The following SMARCA5 variants were observed in gnomAD, a reference collection of about 807,000 sequenced individuals.
The protein encoded by SMARCA5 is SNF2 related chromatin remodeling ATPase 5.
SMARCA5 carries 18 observed loss-of-function variants against 140.4 expected under a neutral mutation model. The ratio of observed to expected loss-of-function variants is 0.13; its 90% CI spans 0.09 to 0.19. The LOEUF is 0.19. Ranked by LOEUF, SMARCA5 falls within the 10% of genes least tolerant of loss-of-function variation. The pLI, the probability that SMARCA5 is intolerant of heterozygous loss-of-function variation, is 1.00. For synonymous variants in SMARCA5, 449 were observed against 419.6 expected, an observed-to-expected ratio of 1.07 and a Z score of -0.86; for missense variants, 606 against 1,276.8, an observed-to-expected ratio of 0.47 and a Z score of 8.01.
At chr4:143,528,555 A>G (rs764964985) in intron 7 of SMARCA5, 28 bp from the exon 8 acceptor site, 6 of 1,599,064 alleles carry the variant, frequency 3.8e-6, no homozygotes, top group East Asian at 4.5e-5. Flanking sequence ...AGAATATTCT[A>G]ATGGTGTATT....
At chr4:143,536,720 T>C in intron 11 of SMARCA5, 42 bp downstream of exon 11, 1 of 1,394,716 alleles carries the variant, frequency 7.2e-7, no homozygotes, top group East Asian at 2.4e-5. Flanking sequence ...TGTTTTAAAA[T>C]GCTCATGTTA....
chr4:143,521,121 G>C (rs973999055), intron 2 of SMARCA5, among the ~76,000 whole-genome samples: 1 of 152,138 alleles, frequency 6.6e-6, no homozygotes, highest in Non-Finnish European at 1.5e-5. Context: ...ATGCAGAGTA[G>C]TTCCATCATC....
intron 1 of SMARCA5, among the ~76,000 whole-genome samples, chr4:143,515,494 G>T (rs888345680): frequency 6.6e-6 from 1 of 152,124 alleles, no homozygotes; most frequent in African/African-American, 2.4e-5. Flanking sequence ...GTGTAAATGT[G>T]CAGTTCTCTA....
At chr4:143,521,687 A>G in intron 3 of SMARCA5, 92 bp downstream of exon 3, 3 of 1,113,716 alleles carry the variant, frequency 2.7e-6, no homozygotes, top group Non-Finnish European at 3.8e-6. Flanking sequence ...ATAACTTAAA[A>G]TTATTTTAGT....
intron 2 of SMARCA5, among the ~76,000 whole-genome samples, chr4:143,517,752 C>G (rs770800873): frequency 6.6e-6 from 1 of 152,166 alleles, no homozygotes; most frequent in Non-Finnish European, 1.5e-5. Context: ...TTTTCCTAAT[C>G]ACCTCTTATT....
In SMARCA5 at chr4:143,538,688, C is replaced by G. The variant is rs754738040; in HGVS notation, c.1594C>G (p.Gln532Glu). Residue 532 changes from glutamine (Q) to glutamate (E), a missense_variant, in exon 12 of 24, where the codon CAG becomes GAG. Coordinates refer to ENST00000283131, the MANE Select transcript of SMARCA5 (RefSeq NM_003601.4). ...TTATGAGTACTGCAGGTTGGATGGT[C>G]AGACACCCCATGATGAGAGACAAGT... ...RNYEYCRLDG[Q>E]TPHDERQDSI... 1.9e-6 allele frequency: 3 copies of G among 1,613,934 alleles called. No homozygotes were observed. In the Admixed American group the frequency reaches 5.0e-5, roughly 27 times the overall value.
At chr4:143,523,663 C>G (rs921795909) in intron 3 of SMARCA5, among the ~76,000 whole-genome samples, 1 of 152,090 alleles carries the variant, frequency 6.6e-6, no homozygotes, top group African/African-American at 2.4e-5. Flanking sequence ...GCCGCTTATC[C>G]TTTTAGCAAG....
In SMARCA5 at chr4:143,545,327, T is replaced by A. The variant is rs1300838654; in HGVS notation, c.2284-143T>A. The A allele has an allele frequency of 2.9e-5, 19 of 652,406 alleles. No individual in the cohort carries two copies. In the East Asian group the frequency reaches 5.0e-4, roughly 17 times the overall value. The allele number at this position is 652,406 out of a possible 1,614,324, so 40.4% of individuals were successfully genotyped here. A position where few individuals can be genotyped will look rare whatever the true frequency, so the allele number is the denominator to read the frequency against. On this transcript the variant is annotated intron_variant, in intron 17 of 23. Coordinates refer to ENST00000283131, the MANE Select transcript of SMARCA5 (RefSeq NM_003601.4). ...TAATTTTGAATCTGTGCATTTAAAA[T>A]TAAGATATAAATTCAGTTTTATTGA...
At chr4:143,525,601 C>G (rs770903402) in intron 5 of SMARCA5, 50 bp downstream of exon 5, 2 of 1,230,078 alleles carry the variant, frequency 1.6e-6, no homozygotes, top group Non-Finnish European at 2.4e-6. Flanking sequence ...TTGAAAATAT[C>G]TTATACGTTG....
rs1737122961 is a variant in SMARCA5 at position 143,528,732 on chromosome 4, C to T, written c.1089+18C>T. The T allele has an allele frequency of 1.2e-6, 2 of 1,600,784 alleles. No homozygotes were observed. Among genetic ancestry groups the T allele is most frequent in the African/African-American group, 1.4e-5 (1 of 74,064 alleles). On this transcript the variant is annotated intron_variant, in intron 8 of 23. Transcript: ENST00000283131. Reference sequence around the variant, plus strand: ...CAGCAGATGTAAGTATTTCCTGGTGCTTTCTGGTTAATAATAATATTTTGC... The same window carrying T: ...CAGCAGATGTAAGTATTTCCTGGTGTTTTCTGGTTAATAATAATATTTTGC...
At position 143,521,413 on chromosome 4, in the gene SMARCA5, A is replaced by AT; in HGVS notation, c.253-16_253-15insT. On this transcript the variant is annotated splice_polypyrimidine_tract_variant and intron_variant, in intron 2 of 23. Coordinates refer to ENST00000283131, the MANE Select transcript of SMARCA5 (RefSeq NM_003601.4). ...TGATACTCTGATAAAATGTATCTTAAATTTTTTTTTTTCAGCAAACTGACC... is the reference window on the plus strand; with the variant it reads ...TGATACTCTGATAAAATGTATCTTAATATTTTTTTTTTTCAGCAAACTGACC... 6.3e-7 allele frequency: 1 copy of AT among 1,575,218 alleles called. No homozygotes were observed. The highest frequency in any genetic ancestry group is 1.4e-5 in the African/African-American group (1 of 72,982).
chr4:143,545,810 G>A lies in SMARCA5; in HGVS notation c.2398-115G>A. The A allele has an allele frequency of 1.1e-5, 11 of 985,980 alleles. 1 individual carries two copies. In the South Asian group the frequency reaches 1.4e-4, roughly 13 times the overall value. The allele number at this position is 985,980 out of a possible 1,614,324, so 61.1% of individuals were successfully genotyped here. On this transcript the variant is annotated intron_variant, in intron 18 of 23. Transcript: ENST00000283131. Reference sequence around the variant, plus strand: ...TTGTTTTTAACATAATACATGCAATGTATCAGTATATTTTCTTTCCTGGTT... The same window carrying A: ...TTGTTTTTAACATAATACATGCAATATATCAGTATATTTTCTTTCCTGGTT...
chr4:143,550,819 CATT>C (rs1737627260), intron 23 of SMARCA5, among the ~76,000 whole-genome samples: 2 of 152,008 alleles, frequency 1.3e-5, no homozygotes, highest in African/African-American at 2.4e-5. Flanking sequence ...TTTCTTTATC[CATT>C]TATCTGTTGA....
chr4:143,521,829 G>C (rs1736965371), intron 3 of SMARCA5, among the ~76,000 whole-genome samples: 1 of 149,226 alleles, frequency 6.7e-6, no homozygotes, highest in African/African-American at 2.5e-5. Context: ...CGCCAAGGTG[G>C]GAGGATTGCT....
rs1340375417 is a variant in SMARCA5 at position 143,534,842 on chromosome 4, T to A, written c.1159-13T>A. On this transcript the variant is annotated splice_polypyrimidine_tract_variant and intron_variant, in intron 9 of 23. Transcript: ENST00000283131. ...AATATTGGTATTACCTGTTTATTTT[T>A]GTCCTTTTTAAGGTTTTGCGTCCAT... 6.3e-7 allele frequency: 1 copy of A among 1,592,704 alleles called. No individual in the cohort carries two copies. Among genetic ancestry groups the A allele is most frequent in the Non-Finnish European group, 8.6e-7 (1 of 1,165,106 alleles).
chr4:143,553,166 A>G lies in SMARCA5; in HGVS notation c.3141A>G (p.Lys1047=). 1.9e-6 allele frequency: 3 copies of G among 1,612,204 alleles called. No individual in the cohort carries two copies. Among genetic ancestry groups the G allele is most frequent in the Non-Finnish European group, 2.5e-6 (3 of 1,178,472 alleles). ...MDGAPDGRGR[K]KKLKL is the part of the protein sequence containing the mutation. Reference sequence around the variant, plus strand: ...GCGCACCTGATGGTCGAGGAAGAAAAAAGAAGCTGAAACTATGAATATGTT... The same window carrying G: ...GCGCACCTGATGGTCGAGGAAGAAAGAAGAAGCTGAAACTATGAATATGTT... The change falls in exon 24 of 24, where the codon AAA becomes AAG. Residue 1047 remains lysine (K), a synonymous_variant. Coordinates refer to ENST00000283131, the MANE Select transcript of SMARCA5 (RefSeq NM_003601.4).
At position 143,546,306 on chromosome 4, in the gene SMARCA5, T is replaced by A. The variant is rs188463276; in HGVS notation, c.2520+259T>A. Among the ~76,000 whole-genome samples, 51 of 152,230 alleles carry A rather than the reference T, an allele frequency of 3.4e-4. 1 individual carries two copies. Among genetic ancestry groups the A allele is most frequent in the African/African-American group, 1.2e-3 (51 of 41,556 alleles). Reference sequence around the variant, plus strand: ...ACCTTACTTTGAATGTTCCCGTCTTTCCTATGAATTTTCCACATTGCTACC... The same window carrying A: ...ACCTTACTTTGAATGTTCCCGTCTTACCTATGAATTTTCCACATTGCTACC... On this transcript the variant is annotated intron_variant, in intron 19 of 23. Coordinates refer to ENST00000283131, the MANE Select transcript of SMARCA5 (RefSeq NM_003601.4).
intron 22 of SMARCA5, among the ~76,000 whole-genome samples, chr4:143,549,085 A>G (rs528666352): frequency 2.3e-3 from 343 of 152,240 alleles, no homozygotes; most frequent in African/African-American, 7.8e-3. Context: ...AACAATTTAT[A>G]GAGTTAATAA....
chr4:143,553,221 G>A lies in SMARCA5; in HGVS notation c.*37G>A. On this transcript the variant is annotated 3_prime_UTR_variant, in exon 24 of 24. Coordinates refer to ENST00000283131, the MANE Select transcript of SMARCA5 (RefSeq NM_003601.4). The stretch of plus-strand genomic sequence containing the variant: ...TTTCATAATCACTAACTTTAAACCA[G>A]TAGTTCTTTAATTTACGGGTCTTCA... 7.0e-7 allele frequency: 1 copy of A among 1,438,786 alleles called. No individual in the cohort carries two copies. The highest frequency in any genetic ancestry group is 9.8e-7 in the Non-Finnish European group (1 of 1,020,892). The allele number at this position is 1,438,786 out of a possible 1,614,324, so 89.1% of individuals were successfully genotyped here.
Sources: gnomAD v4.1 joint callset for allele counts (sites outside exome capture counted in the v4.1 genomes callset) on GRCh38, gnomAD v4.1.1 for gene constraint, MANE v1.5 for transcripts, NCBI Gene and HGNC (gene_info 2026-07-23, HGNC 2026-07-21) for gene names.